NOSTRIN: variants seen among roughly 807,000 people sequenced by gnomAD.
NOSTRIN encodes the protein BM247 homolog.
NOSTRIN carries 63 observed loss-of-function variants against 59.0 expected under a neutral mutation model. That is an observed-to-expected ratio of 1.07 (90% CI 0.87 to 1.32). The LOEUF (loss-of-function observed/expected upper bound fraction) is 1.32. Among genes scored for constraint, NOSTRIN ranks in the 40% most tolerant of loss-of-function variants. The probability of loss-of-function intolerance (pLI) is 0.00; values close to 1 mark genes in which losing one functional copy is unlikely to be tolerated. For missense variants in NOSTRIN, 512 were observed against 473.1 expected (o/e 1.08, Z -0.76); for synonymous variants, 200 against 165.4 (o/e 1.21, Z -1.61).
At chr2:168,864,040 TCA>T (rs1333400292) in intron 15 of NOSTRIN, among the ~76,000 whole-genome samples, 1 of 151,282 alleles carries the variant, frequency 6.6e-6, no homozygotes, top group Non-Finnish European at 1.5e-5. Context: ...TCTCCCAAGC[TCA>T]CTGCAACCTC....
At chr2:168,790,807 G>A (rs138245800) in intron 2 of NOSTRIN, among the ~76,000 whole-genome samples, 1 of 152,108 alleles carries the variant, frequency 6.6e-6, no homozygotes, top group African/African-American at 2.4e-5. Context: ...GCTTTTGATG[G>A]TTGTATTTTG....
At chr2:168,839,400 A>C (rs769623767) in intron 7 of NOSTRIN, among the ~76,000 whole-genome samples, 2 of 152,058 alleles carry the variant, frequency 1.3e-5, no homozygotes, top group Non-Finnish European at 2.9e-5. Flanking sequence ...ATCAGCACAC[A>C]AGATGGTAAT....
chr2:168,813,361 T>C (rs186971650), intron 2 of NOSTRIN, among the ~76,000 whole-genome samples: 14 of 152,282 alleles, frequency 9.2e-5, no homozygotes, highest in Admixed American at 7.9e-4. Flanking sequence ...AGACAGGCAA[T>C]AGATGATGCC....
chr2:168,792,096 C>T (rs1685371350), intron 2 of NOSTRIN, among the ~76,000 whole-genome samples: 1 of 152,110 alleles, frequency 6.6e-6, no homozygotes, highest in Non-Finnish European at 1.5e-5. Context: ...AGGTTTTCTT[C>T]TAGGGTTTTT....
intron 6 of NOSTRIN, among the ~76,000 whole-genome samples, chr2:168,832,715 A>G (rs970937720): frequency 6.6e-6 from 1 of 152,240 alleles, no homozygotes; most frequent in Non-Finnish European, 1.5e-5. Context: ...AAGTCCCAGA[A>G]ACAGTATCCA....
intron 8 of NOSTRIN, among the ~76,000 whole-genome samples, chr2:168,847,827 T>C (rs1438316681): frequency 2.0e-5 from 3 of 152,264 alleles, no homozygotes; most frequent in Non-Finnish European, 2.9e-5. Context: ...TATGGATCTC[T>C]CCTTTGCACA....
Position 168,851,398 on chromosome 2 carries a change from T to C in NOSTRIN, c.849T>C (p.Asp283=), listed in dbSNP as rs1688761221. The C allele has an allele frequency of 6.2e-7, 1 of 1,609,078 alleles. No homozygotes were observed. The highest frequency in any genetic ancestry group is 8.5e-7 in the Non-Finnish European group (1 of 1,178,820). ...TENKSEFLLT[D]YFEEDPNSAM... The stretch of plus-strand genomic sequence containing the variant: ...ACAAATCTGAGTTCCTGTTAACGGA[T>C]TACTTTGTGAGTATGAAATGGAAAA... Residue 283 remains aspartate (D), a synonymous_variant, in exon 10 of 16, where the codon GAT becomes GAC. Coordinates refer to ENST00000317647, the MANE Select transcript of NOSTRIN (RefSeq NM_001039724.4).
chr2:168,860,623 A>T (rs1689375130), intron 13 of NOSTRIN, among the ~76,000 whole-genome samples, 172 bp from the exon 14 acceptor site: 3 of 151,880 alleles, frequency 2.0e-5, no homozygotes, highest in Non-Finnish European at 1.5e-5. Flanking sequence ...GTGGGCCAAG[A>T]TCATGCCACT....
upstream of NOSTRIN, among the ~76,000 whole-genome samples, chr2:168,793,862 G>A (rs1017232881): frequency 6.6e-6 from 1 of 152,164 alleles, no homozygotes; most frequent in Non-Finnish European, 1.5e-5. Context: ...TTTCTGTTAC[G>A]TAAACACAGC....
intron 2 of NOSTRIN, among the ~76,000 whole-genome samples, chr2:168,822,321 C>A (rs939661128): frequency 4.7e-5 from 7 of 148,468 alleles, no homozygotes; most frequent in African/African-American, 1.7e-4. Flanking sequence ...GTGGTAAAAA[C>A]AACTTAAAGC....
chr2:168,797,013 C>G (rs1311587706), upstream of NOSTRIN, among the ~76,000 whole-genome samples: 4 of 151,646 alleles, frequency 2.6e-5, no homozygotes, highest in East Asian at 7.7e-4. Context: ...GAGGAGCTCA[C>G]TGAGTACTGT....
chr2:168,792,802 C>CA (rs1446676640), intron 2 of NOSTRIN, among the ~76,000 whole-genome samples: 15 of 151,886 alleles, frequency 9.9e-5, no homozygotes, highest in Admixed American at 9.2e-4. Context: ...CTTTATTCTG[C>CA]AAAAAATAAA....
At chr2:168,798,844 C>CAGAG (rs2105508345), upstream of NOSTRIN, among the ~76,000 whole-genome samples, 1 of 152,162 alleles carries the variant, frequency 6.6e-6, no homozygotes, top group East Asian at 1.9e-4. Context: ...GACAGACAGA[C>CAGAG]AGAAGATAGT....
intron 7 of NOSTRIN, among the ~76,000 whole-genome samples, chr2:168,841,832 G>A (rs1688125873): frequency 1.3e-5 from 2 of 152,216 alleles, no homozygotes; most frequent in Admixed American, 1.3e-4. Context: ...CAAATATACA[G>A]GGGAACTTGT....
At chr2:168,862,147 C>A in intron 15 of NOSTRIN, 98 bp downstream of exon 15, 1 of 1,047,510 alleles carries the variant, frequency 9.5e-7, no homozygotes, top group Non-Finnish European at 1.5e-6. Context: ...AGAGTTACTA[C>A]CATGTCAAAT....
At chr2:168,849,920 T>TTTGC (rs549641682) in intron 8 of NOSTRIN, among the ~76,000 whole-genome samples, 8 of 33,042 alleles carry the variant, frequency 2.4e-4, no homozygotes. Flanking sequence ...ATTTTCTCAT[T>TTTGC]TTTTTTTTTT....
At chr2:168,859,921 T>C (rs1214755268) in intron 13 of NOSTRIN, among the ~76,000 whole-genome samples, 1 of 152,236 alleles carries the variant, frequency 6.6e-6, no homozygotes, top group Non-Finnish European at 1.5e-5. Context: ...GATGTGCTTT[T>C]ACAGTAAAAT....
chr2:168,787,943 T>C (rs1407966162), exon 2 of NOSTRIN: 1 of 152,156 alleles, frequency 6.6e-6, no homozygotes, highest in Non-Finnish European at 1.5e-5. Flanking sequence ...TAGTCCAAGC[T>C]TTGATCTGTT....
At chr2:168,855,804 G>A (rs1039909696) in intron 11 of NOSTRIN, 8 of 443,150 alleles carry the variant, frequency 1.8e-5, no homozygotes, top group African/African-American at 1.0e-4. Context: ...CTGTGCATGA[G>A]AGTTTTGGAT....
Sources: gnomAD v4.1 joint callset for allele counts (sites outside exome capture counted in the v4.1 genomes callset) on GRCh38, gnomAD v4.1.1 for gene constraint, MANE v1.5 for transcripts, NCBI Gene and HGNC (gene_info 2026-07-23, HGNC 2026-07-21) for gene names.